Variants in BBS4 observed in about 807,000 individuals in gnomAD.
BBS4 encodes the protein BBSome complex member BBS4.
Under a neutral mutation model 71.4 loss-of-function variants are expected in BBS4, and 58 were observed. The ratio of observed to expected loss-of-function variants is 0.81; its 90% CI spans 0.66 to 1.01. The LOEUF (loss-of-function observed/expected upper bound fraction) is 1.01. Ranked by LOEUF, BBS4 falls within the 50% of genes least tolerant of loss-of-function variation. The pLI is 0.00. For synonymous variants in BBS4, 228 were observed against 216.8 expected (o/e 1.05, Z -0.46); for missense variants, 660 against 607.9 (o/e 1.09, Z -0.90).
At chr15:72,731,065 C>CTTTTTTTTTT (rs35004414) in intron 10 of BBS4, among the ~76,000 whole-genome samples, 32 of 77,636 alleles carry the variant, frequency 4.1e-4, no homozygotes, top group South Asian at 4.9e-4. Flanking sequence ...AACATTTTAT[C>CTTTTTTTTTT]TTTTTTTTTT....
At chr15:72,724,732 G>A in intron 8 of BBS4, 77 bp downstream of exon 8, 1 of 1,559,662 alleles carries the variant, frequency 6.4e-7, no homozygotes, top group Non-Finnish European at 8.7e-7. Context: ...AAGCCTAAAA[G>A]AGTGAATATG....
At chr15:72,724,416 A>G (rs777844873) in intron 7 of BBS4, 112 bp from the exon 8 acceptor site, 126 of 1,505,364 alleles carry the variant, frequency 8.4e-5, no homozygotes, top group Non-Finnish European at 1.1e-4. Context: ...GTTTGCTGAA[A>G]TGTGATGTTC....
intron 8 of BBS4, among the ~76,000 whole-genome samples, chr15:72,726,506 T>G (rs1002687634): frequency 2.8e-4 from 42 of 152,242 alleles, no homozygotes; most frequent in African/African-American, 9.9e-4. Flanking sequence ...GGTTCAAGGC[T>G]TATTATTCCT....
intron 6 of BBS4, among the ~76,000 whole-genome samples, chr15:72,718,181 G>A (rs901537711): frequency 4.6e-5 from 7 of 152,110 alleles, no homozygotes; most frequent in Non-Finnish European, 8.8e-5. Context: ...TTCAGGACAT[G>A]TATTCAGTCT....
At chr15:72,722,461 GAGA>G (rs1274827394) in intron 6 of BBS4, among the ~76,000 whole-genome samples, 4 of 152,236 alleles carry the variant, frequency 2.6e-5, no homozygotes, top group African/African-American at 9.6e-5. Flanking sequence ...AGTCTCTCCT[GAGA>G]AGAAGGAGCA....
intron 2 of BBS4, among the ~76,000 whole-genome samples, chr15:72,701,395 G>T (rs757772861): frequency 8.5e-5 from 13 of 152,060 alleles, no homozygotes; most frequent in Non-Finnish European, 1.5e-4. Context: ...TATTTTTATT[G>T]TGATGTATTA....
chr15:72,737,131 C>A, intron 15 of BBS4, 168 bp downstream of exon 15: 1 of 813,694 alleles, frequency 1.2e-6, no homozygotes, highest in Non-Finnish European at 2.0e-6. Context: ...CACTTGTTTC[C>A]TTAAGGCGAG....
chr15:72,701,862 G>A (rs565054582), intron 2 of BBS4, among the ~76,000 whole-genome samples: 3 of 151,972 alleles, frequency 2.0e-5, no homozygotes, highest in African/African-American at 4.8e-5. Flanking sequence ...TTTTTGAGAC[G>A]GAGTCTTGCT....
chr15:72,721,134 C>G (rs981513047), intron 6 of BBS4, among the ~76,000 whole-genome samples: 1 of 152,042 alleles, frequency 6.6e-6, no homozygotes, highest in African/African-American at 2.4e-5. Flanking sequence ...TCCCAATGTT[C>G]TATAATATGG....
chr15:72,703,530 A>G (rs1879985723), intron 2 of BBS4, among the ~76,000 whole-genome samples: 1 of 152,200 alleles, frequency 6.6e-6, no homozygotes, highest in African/African-American at 2.4e-5. Flanking sequence ...GTTTGGCATG[A>G]GGAAATTAAC....
rs2065334532 is a variant in BBS4 at position 72,709,874 on chromosome 15, G to C, written c.156+95G>C. On this transcript the variant is annotated intron_variant, in intron 3 of 15. Transcript: ENST00000268057. ...ACAGAGTGTGGCAGTTTATATCTCA[G>C]TGATAAAACATGAATTCCTTCTTCC... The C allele has an allele frequency of 2.9e-6, 3 of 1,028,134 alleles. No homozygotes were observed. In the South Asian group the frequency reaches 3.8e-5, roughly 13 times the overall value. The allele number at this position is 1,028,134 out of a possible 1,614,324, so 63.7% of individuals were successfully genotyped here. A position where few individuals can be genotyped will look rare whatever the true frequency, so the allele number is the denominator to read the frequency against.
intron 6 of BBS4, 39 bp from the exon 7 acceptor site, chr15:72,722,755 T>G: frequency 6.3e-7 from 1 of 1,590,386 alleles, no homozygotes; most frequent in Non-Finnish European, 8.6e-7. Context: ...TACTGTGGAA[T>G]TACACCTGAG....
intron 9 of BBS4, 110 bp downstream of exon 9, chr15:72,728,104 A>G: frequency 1.3e-6 from 1 of 776,584 alleles, no homozygotes; most frequent in South Asian, 1.5e-5. Flanking sequence ...AGGTCATATA[A>G]AGTTCATGAA....
chr15:72,729,546 G>A (rs1420966794), intron 9 of BBS4, 70 bp from the exon 10 acceptor site: 1 of 1,461,516 alleles, frequency 6.8e-7, no homozygotes, highest in African/African-American at 1.4e-5. Flanking sequence ...CACCACGCCT[G>A]GTCTGGCCAG....
chr15:72,686,590 G>A, intron 1 of BBS4: 1 of 1,385,324 alleles, frequency 7.2e-7, no homozygotes, highest in Non-Finnish European at 9.5e-7. Context: ...TGTGTAGACA[G>A]TTCCTGTTAA....
At chr15:72,735,772 A>C in intron 13 of BBS4, 53 bp from the exon 14 acceptor site, 6 of 1,611,324 alleles carry the variant, frequency 3.7e-6, no homozygotes, top group Non-Finnish European at 5.1e-6. Context: ...AGGATCTCTA[A>C]ATGACCATTT....
At chr15:72,718,181 G>C (rs901537711) in intron 6 of BBS4, among the ~76,000 whole-genome samples, 1 of 152,110 alleles carries the variant, frequency 6.6e-6, no homozygotes, top group Non-Finnish European at 1.5e-5. Context: ...TTCAGGACAT[G>C]TATTCAGTCT....
At chr15:72,687,603 CA>C (rs11399142) in intron 1 of BBS4, among the ~76,000 whole-genome samples, 3 of 147,234 alleles carry the variant, frequency 2.0e-5, no homozygotes, top group South Asian at 4.3e-4. Flanking sequence ...GACTCCTTCT[CA>C]AAAAAAAAGA....
chr15:72,735,061 C>T, intron 12 of BBS4, 52 bp from the exon 13 acceptor site: 2 of 1,378,032 alleles, frequency 1.5e-6, no homozygotes, highest in Non-Finnish European at 2.1e-6. Context: ...CTTTAATACT[C>T]CTTTTGTCTT....
Sources: gnomAD v4.1 joint callset for allele counts (sites outside exome capture counted in the v4.1 genomes callset) on GRCh38, gnomAD v4.1.1 for gene constraint, MANE v1.5 for transcripts, NCBI Gene and HGNC (gene_info 2026-07-23, HGNC 2026-07-21) for gene names.